The following OXR1 variants were observed in gnomAD, a reference collection of about 807,000 sequenced individuals.
OXR1 encodes oxidation resistance protein 1.
OXR1 carries 41 observed loss-of-function variants against 104.6 expected under a neutral mutation model. The ratio of observed to expected loss-of-function variants is 0.39; its 90% CI spans 0.31 to 0.51. The LOEUF (loss-of-function observed/expected upper bound fraction) is 0.51. Among genes scored for constraint, OXR1 ranks in the 20% least tolerant of loss-of-function variants. The probability of loss-of-function intolerance (pLI) is 0.77; values close to 1 mark genes in which losing one functional copy is unlikely to be tolerated. For missense variants in OXR1, 955 were observed against 1,031.9 expected (o/e 0.93, Z 1.02); for synonymous variants, 348 against 348.4 (o/e 1.00, Z 0.01).
chr8:106,542,043 GT>G (rs1379432606), intron 3 of OXR1, among the ~76,000 whole-genome samples: 30 of 152,316 alleles, frequency 2.0e-4, no homozygotes, highest in Non-Finnish European at 1.5e-4. Flanking sequence ...GTAACCTAGA[GT>G]AAGGACTTGA....
At chr8:106,490,343 TTTGATTGATTGA>T (rs148049476) in intron 2 of OXR1, among the ~76,000 whole-genome samples, 3 of 151,632 alleles carry the variant, frequency 2.0e-5, no homozygotes, top group Non-Finnish European at 4.4e-5. Context: ...GGATGCGGTA[TTTGATTGATTGA>T]TTGATTGATT....
intron 3 of OXR1, among the ~76,000 whole-genome samples, chr8:106,602,757 C>A (rs1418005044): frequency 1.3e-5 from 2 of 151,958 alleles, no homozygotes; most frequent in Non-Finnish European, 2.9e-5. Context: ...TAGTACATTT[C>A]TTCATGTTAC....
intron 3 of OXR1, among the ~76,000 whole-genome samples, chr8:106,648,791 G>C (rs1563667585): frequency 6.6e-6 from 1 of 152,124 alleles, no homozygotes; most frequent in African/African-American, 2.4e-5. Context: ...ACAACAAAAG[G>C]CTTTTTCAAC....
chr8:106,552,745 C>A (rs924046740), intron 3 of OXR1, among the ~76,000 whole-genome samples: 2 of 152,086 alleles, frequency 1.3e-5, no homozygotes, highest in African/African-American at 4.8e-5. Flanking sequence ...TGGCTGAAGA[C>A]TATATTTATC....
intron 11 of OXR1, among the ~76,000 whole-genome samples, chr8:106,736,165 ACCC>A (rs5893803): frequency 1.4e-5 from 2 of 145,608 alleles, no homozygotes; most frequent in African/African-American, 4.9e-5. Flanking sequence ...TTTATCTGAC[ACCC>A]CCCCCCATCC....
intron 2 of OXR1, among the ~76,000 whole-genome samples, chr8:106,467,482 C>T (rs1258555214): frequency 1.3e-5 from 2 of 151,850 alleles, no homozygotes; most frequent in Non-Finnish European, 2.9e-5. Context: ...GGCAGCATGA[C>T]CCTCAGCCTA....
At chr8:106,431,189 TAACATGC>T (rs1819345050) in intron 2 of OXR1, among the ~76,000 whole-genome samples, 1 of 152,154 alleles carries the variant, frequency 6.6e-6, no homozygotes, top group Non-Finnish European at 1.5e-5. Context: ...TCCCAGATGA[TAACATGC>T]AACAGAGATG....
chr8:106,478,302 A>C (rs1227537269), intron 2 of OXR1, among the ~76,000 whole-genome samples: 1 of 151,946 alleles, frequency 6.6e-6, no homozygotes, highest in East Asian at 1.9e-4. Context: ...TATATTAAAA[A>C]AAATAAACTG....
chr8:106,483,354 T>C (rs1473553054), intron 2 of OXR1, among the ~76,000 whole-genome samples: 4 of 151,892 alleles, frequency 2.6e-5, no homozygotes, highest in African/African-American at 7.2e-5. Context: ...ATTTAGAAAG[T>C]ATTTCCTGAT....
At chr8:106,727,997 TC>T (rs1362045756) in intron 11 of OXR1, among the ~76,000 whole-genome samples, 1 of 152,118 alleles carries the variant, frequency 6.6e-6, no homozygotes, top group Non-Finnish European at 1.5e-5. Context: ...TTGAAGTTTT[TC>T]TGAAATAGAA....
intron 3 of OXR1, among the ~76,000 whole-genome samples, chr8:106,646,790 A>G (rs1276633043): frequency 6.6e-6 from 1 of 152,234 alleles, no homozygotes; most frequent in Non-Finnish European, 1.5e-5. Context: ...CAGAAGAAAG[A>G]AAATGAGAAT....
chr8:106,574,955 T>C (rs1014791556), intron 3 of OXR1, among the ~76,000 whole-genome samples: 8 of 152,208 alleles, frequency 5.3e-5, no homozygotes, highest in African/African-American at 1.9e-4. Flanking sequence ...AAGTTATCTT[T>C]AGTTGGTTTT....
At chr8:106,615,592 A>G (rs958235471) in intron 3 of OXR1, among the ~76,000 whole-genome samples, 2 of 144,608 alleles carry the variant, frequency 1.4e-5, no homozygotes, top group African/African-American at 2.7e-5. Context: ...TTGGCAACAG[A>G]GACAGAATCT....
At chr8:106,461,573 A>G (rs1167236828) in intron 2 of OXR1, among the ~76,000 whole-genome samples, 2 of 152,164 alleles carry the variant, frequency 1.3e-5, no homozygotes, top group Admixed American at 6.6e-5. Flanking sequence ...AAAAATAAAA[A>G]CAAATAAATA....
intron 1 of OXR1, among the ~76,000 whole-genome samples, chr8:106,317,100 G>A (rs1051927270): frequency 2.0e-5 from 3 of 152,124 alleles, no homozygotes; most frequent in African/African-American, 7.2e-5. Flanking sequence ...ATGGCATCAA[G>A]CCTCAATTCT....
Position 106,706,815 on chromosome 8 carries a change from G to A in OXR1, c.1294G>A (p.Gly432Arg). 6.2e-7 allele frequency: 1 copy of A among 1,612,346 alleles called. No homozygotes were observed. The highest frequency in any genetic ancestry group is 8.5e-7 in the Non-Finnish European group (1 of 1,179,550). ...KEDQIADNFQ[G>R]ISGPKEDSTS... The stretch of plus-strand genomic sequence containing the variant: ...AGATCAGATTGCAGATAACTTTCAA[G>A]GAATATCAGGTCCTAAAGAAGACAG... Residue 432 changes from glycine (G) to arginine (R), a missense_variant, in exon 9 of 17, where the codon GGA (glycine) becomes AGA (arginine). Around this residue, in one of 2 missense-constraint regions of OXR1, gnomAD observed 849 missense variants for 852.9 expected, o/e 1.00. Transcript: ENST00000517566.
intron 6 of OXR1, among the ~76,000 whole-genome samples, chr8:106,691,639 T>C (rs898575727): frequency 1.4e-5 from 2 of 147,928 alleles, no homozygotes; most frequent in African/African-American, 2.5e-5. Flanking sequence ...TATATATATA[T>C]ATACACACAC....
At chr8:106,284,989 A>T (rs1273268948) in intron 1 of OXR1, among the ~76,000 whole-genome samples, 1 of 152,140 alleles carries the variant, frequency 6.6e-6, no homozygotes, top group Non-Finnish European at 1.5e-5. Flanking sequence ...TATATATAAA[A>T]TAAGTTCTAG....
At chr8:106,379,129 C>G (rs1289265294) in intron 2 of OXR1, among the ~76,000 whole-genome samples, 2 of 152,160 alleles carry the variant, frequency 1.3e-5, no homozygotes, top group African/African-American at 4.8e-5. Flanking sequence ...TCAGCATCAC[C>G]TGGAAACGTG....
Sources: allele counts gnomAD v4.1 joint callset (sites outside exome capture counted in the v4.1 genomes callset), GRCh38; gene constraint gnomAD v4.1.1; regional missense constraint gnomAD v4.1.1; transcripts MANE v1.5; gene names NCBI Gene and HGNC (gene_info 2026-07-23, HGNC 2026-07-21).